Variants in PCDHA7 observed in about 807,000 individuals in gnomAD.
The protein encoded by PCDHA7 is protocadherin alpha 7.
PCDHA7 carries 37 observed loss-of-function variants against 57.2 expected under a neutral mutation model. The observed-to-expected ratio is 0.65, with a 90% CI of 0.50 to 0.85. The LOEUF is 0.85. Among genes scored for constraint, PCDHA7 ranks in the 40% least tolerant of loss-of-function variants. The pLI is 0.00. For missense variants in PCDHA7, 1,188 were observed against 1,241.8 expected, an observed-to-expected ratio of 0.96 and a Z score of 0.65; for synonymous variants, 553 against 558.8, an observed-to-expected ratio of 0.99 and a Z score of 0.15.
intron 1 of PCDHA7, among the ~76,000 whole-genome samples, chr5:140,923,219 C>T (rs557006469): frequency 1.3e-5 from 2 of 152,094 alleles, no homozygotes; most frequent in East Asian, 1.9e-4. Context: ...GTGAAAGGAT[C>T]GTTTGAGCCC....
chr5:140,923,000 G>A (rs1554201089), intron 1 of PCDHA7, among the ~76,000 whole-genome samples: 2 of 152,220 alleles, frequency 1.3e-5, no homozygotes, highest in African/African-American at 4.8e-5. Context: ...CCATGAGAAT[G>A]GTTGTTGGAC....
At chr5:140,927,630 A>C in intron 1 of PCDHA7, 1 of 1,614,182 alleles carries the variant, frequency 6.2e-7, no homozygotes, top group Non-Finnish European at 8.5e-7. Context: ...CAGAGACTGC[A>C]CCCAATGGGA....
In PCDHA7 at chr5:140,836,129, G is replaced by A. The variant is rs2150253536; in HGVS notation, c.1746G>A (p.Pro582=). 1.9e-6 allele frequency: 3 copies of A among 1,613,716 alleles called. No individual in the cohort carries two copies. Among genetic ancestry groups the A allele is most frequent in the Non-Finnish European group, 2.5e-6 (3 of 1,179,776 alleles). ...GTGGAVRELV[P]RSVGAGHVVA... ...GTGGCGCAGTGAGAGAGCTTGTGCC[G>A]CGGTCTGTGGGCGCGGGCCATGTGG... Residue 582 remains proline, a synonymous_variant, in exon 1 of 4, where the codon CCG becomes CCA. Transcript: ENST00000525929.
chr5:140,881,510 A>G (rs2058738971), intron 1 of PCDHA7: 1 of 210,204 alleles, frequency 4.8e-6, no homozygotes, highest in Non-Finnish European at 8.3e-6. Context: ...ACACTCACAT[A>G]CAAAATCCCA....
At chr5:140,997,670 G>A (rs1587757819) in intron 3 of PCDHA7, among the ~76,000 whole-genome samples, 1 of 79,680 alleles carries the variant, frequency 1.3e-5, no homozygotes, top group Non-Finnish European at 2.9e-5. Flanking sequence ...TATACAGCTT[G>A]TGTGTGTGTG....
intron 1 of PCDHA7, chr5:140,928,773 T>A: frequency 6.2e-7 from 1 of 1,614,164 alleles, no homozygotes; most frequent in Non-Finnish European, 8.5e-7. Context: ...TTCTTCCCAC[T>A]GATGCAGTTA....
chr5:140,927,045 C>G, intron 1 of PCDHA7: 1 of 1,612,254 alleles, frequency 6.2e-7, no homozygotes, highest in Non-Finnish European at 8.5e-7. Context: ...CCGCTATGTC[C>G]TCGCGGAACT....
At chr5:140,966,638 T>A in intron 1 of PCDHA7, 2 of 1,090,114 alleles carry the variant, frequency 1.8e-6, no homozygotes, top group South Asian at 2.2e-5. Flanking sequence ...CCAGGCGCTT[T>A]CTAGAGCGTG....
At chr5:140,929,590 G>T in intron 1 of PCDHA7, 1 of 426,240 alleles carries the variant, frequency 2.3e-6, no homozygotes, top group Non-Finnish European at 4.2e-6. Context: ...TGACATAAAG[G>T]TCTAAAATTA....
rs1456412206 is a variant in PCDHA7 at position 140,836,003 on chromosome 5, G to C, written c.1620G>C (p.Ala540=). 7 of 1,613,210 alleles carry C rather than the reference G, an allele frequency of 4.3e-6. No individual in the cohort carries two copies. Among genetic ancestry groups the C allele is most frequent in the East Asian group, 2.2e-5 (1 of 44,876 alleles). Residue 540 remains alanine (A), a synonymous_variant, in exon 1 of 4, where the codon GCG becomes GCC. Transcript: ENST00000525929. ...AGTTCCAGGTGAGCGCGCGCGATGC[G>C]GGCGTGCCGCCTCTGGGCAGCAACG... is the stretch of plus-strand genomic sequence containing the variant. ...LLQFQVSARD[A]GVPPLGSNVT... is the part of the protein sequence containing the mutation.
intron 3 of PCDHA7, among the ~76,000 whole-genome samples, chr5:140,993,020 C>G (rs2097537480): frequency 6.6e-6 from 1 of 152,192 alleles, no homozygotes; most frequent in African/African-American, 2.4e-5. Flanking sequence ...TCCAGCATCC[C>G]CTGTGGGCTC....
At chr5:140,961,205 T>C (rs1215243152) in intron 1 of PCDHA7, among the ~76,000 whole-genome samples, 2 of 152,172 alleles carry the variant, frequency 1.3e-5, no homozygotes, top group Non-Finnish European at 2.9e-5. Context: ...GAGGTTGGTA[T>C]TGATGAAGAA....
chr5:140,858,033 C>T (rs1249815194), intron 1 of PCDHA7: 2 of 1,597,066 alleles, frequency 1.3e-6, no homozygotes, highest in Non-Finnish European at 1.7e-6. Context: ...ACGGCCACGG[C>T]CACTGTGCTT....
intron 1 of PCDHA7, chr5:140,843,329 G>T: frequency 6.3e-7 from 1 of 1,596,060 alleles, no homozygotes; most frequent in Non-Finnish European, 8.6e-7. Context: ...GGTGTCGCTG[G>T]TGGAGAGCGG....
intron 3 of PCDHA7, among the ~76,000 whole-genome samples, chr5:140,983,261 CT>C (rs1240749572): frequency 7.9e-5 from 12 of 152,158 alleles, no homozygotes; most frequent in Admixed American, 7.9e-4. Context: ...TGTAAAAAAC[CT>C]AATGGCTGGG....
intron 2 of PCDHA7, 93 bp downstream of exon 2, chr5:140,979,100 A>C (rs1325676942): frequency 6.5e-7 from 1 of 1,545,710 alleles, no homozygotes; most frequent in African/African-American, 1.4e-5. Context: ...CAGCTGTCAA[A>C]ACTAAAAAGC....
rs2150255881 is a variant in PCDHA7, at chr5:140,836,226, G to T, written c.1843G>T (p.Ala615Ser). 193 of 1,613,826 alleles carry T rather than the reference G, an allele frequency of 1.2e-4. 3 individuals carry two copies. The East Asian group carries it at 3.9e-3, about 32-fold the overall frequency. ...AWLSYELQPV[A>S]AGASIPFRVG... ...GCTTTCGTATGAGTTGCAACCGGTG[G>T]CGGCCGGTGCGAGCATCCCGTTCCG... Residue 615 changes from alanine (A) to serine (S), a missense_variant, in exon 1 of 4, where the codon GCG becomes TCG. Physicochemically the swap from Ala to Ser is moderately conservative, Grantham distance 99. This residue lies in a region of PCDHA7 where 892 missense variants were observed against 788.5 expected (regional missense o/e 1.13). Transcript: ENST00000525929.
At chr5:140,939,911 T>C (rs1554213037) in intron 1 of PCDHA7, among the ~76,000 whole-genome samples, 1 of 152,232 alleles carries the variant, frequency 6.6e-6, no homozygotes, top group African/African-American at 2.4e-5. Flanking sequence ...TTCTTTTTTA[T>C]TCTTTTTGTT....
chr5:140,882,542 C>A, intron 1 of PCDHA7: 5 of 1,614,166 alleles, frequency 3.1e-6, no homozygotes, highest in Non-Finnish European at 3.4e-6. Context: ...TCGGATCGAC[C>A]GCGAGGAGCT....
Sources: allele counts gnomAD v4.1 joint callset (sites outside exome capture counted in the v4.1 genomes callset), GRCh38; gene constraint gnomAD v4.1.1; regional missense constraint gnomAD v4.1.1; transcripts MANE v1.5; gene names NCBI Gene and HGNC (gene_info 2026-07-23, HGNC 2026-07-21).